CNBD2: variants seen among roughly 807,000 people sequenced by gnomAD.
CNBD2 encodes the protein cyclic nucleotide-binding domain-containing protein 2.
CNBD2 carries 64 observed loss-of-function variants against 63.7 expected under a neutral mutation model. The observed-to-expected ratio is 1.00, with a 90% CI of 0.82 to 1.24. The LOEUF is 1.24. CNBD2 is among the 50% of genes most tolerant of loss of function. The pLI is 0.00. For missense variants in CNBD2, 691 were observed against 713.5 expected, an observed-to-expected ratio of 0.97 and a Z score of 0.36; for synonymous variants, 229 against 255.4, an observed-to-expected ratio of 0.90 and a Z score of 0.99.
chr20:35,999,954 C>A (rs937207769), intron 8 of CNBD2, among the ~76,000 whole-genome samples: 2 of 152,154 alleles, frequency 1.3e-5, no homozygotes, highest in Admixed American at 6.5e-5. Flanking sequence ...GCTGGGATTA[C>A]AGGCATCAGC....
At chr20:36,011,116 T>C in intron 9 of CNBD2, 21 bp from the exon 10 acceptor site, 1 of 1,509,172 alleles carries the variant, frequency 6.6e-7, no homozygotes, top group Non-Finnish European at 8.9e-7. Flanking sequence ...ATGAGCTCTC[T>C]AACAAGCTGT....
rs1445926933 is a variant in CNBD2, at chr20:36,021,339, T to A, written c.1270-2263T>A. Among the ~76,000 whole-genome samples the A allele has an allele frequency of 3.3e-5, 5 of 152,344 alleles. No individual in the cohort carries two copies. In the East Asian group the frequency reaches 9.6e-4, roughly 29 times the overall value. Reference sequence around the variant, plus strand: ...CAAATATTGTATGTTCTCACTCATATGTGGGACCTAAAAACTGGATCTCAT... The same window carrying A: ...CAAATATTGTATGTTCTCACTCATAAGTGGGACCTAAAAACTGGATCTCAT... On this transcript the variant is annotated intron_variant, in intron 10 of 11. Coordinates refer to ENST00000373973, the MANE Select transcript of CNBD2 (RefSeq NM_001365709.1).
intron 8 of CNBD2, among the ~76,000 whole-genome samples, chr20:36,001,048 G>A (rs2056891798): frequency 6.6e-6 from 1 of 151,222 alleles, no homozygotes; most frequent in African/African-American, 2.4e-5. Context: ...ATGTTTCAGA[G>A]AGCACAGGGT....
chr20:35,981,829 G>A (rs758491675), intron 4 of CNBD2, among the ~76,000 whole-genome samples: 1 of 152,152 alleles, frequency 6.6e-6, no homozygotes, highest in Non-Finnish European at 1.5e-5. Context: ...GGGCAGTACT[G>A]ACTCCAGCCT....
chr20:35,972,437 C>T (rs1451295932), intron 1 of CNBD2, among the ~76,000 whole-genome samples, 192 bp from the exon 2 acceptor site: 3 of 152,142 alleles, frequency 2.0e-5, no homozygotes, highest in African/African-American at 7.2e-5. Context: ...CCTACCATGG[C>T]CAGTTTTAAG....
chr20:36,023,869 G>T, intron 11 of CNBD2, 98 bp downstream of exon 11: 1 of 1,073,660 alleles, frequency 9.3e-7, no homozygotes, highest in African/African-American at 1.6e-5. Context: ...ACCTGTTGCT[G>T]ACAAGGGTGA....
chr20:35,975,168 A>AT (rs796829474), intron 2 of CNBD2, among the ~76,000 whole-genome samples: 2,555 of 122,616 alleles, frequency 0.021, 117 homozygotes, highest in African/African-American at 0.081. Context: ...CGCCCGGCTA[A>AT]TTTTTTGTAT....
chr20:35,990,673 G>A (rs2056733525), intron 7 of CNBD2, among the ~76,000 whole-genome samples: 1 of 151,844 alleles, frequency 6.6e-6, no homozygotes, highest in African/African-American at 2.4e-5. Flanking sequence ...TTATCTGGCT[G>A]GGTACAGTGG....
chr20:35,957,363 G>A (rs534892323), downstream of CNBD2, among the ~76,000 whole-genome samples: 3 of 152,294 alleles, frequency 2.0e-5, no homozygotes, highest in Non-Finnish European at 2.9e-5. Context: ...TAGGCAGGCG[G>A]ATCACCTGAG....
At chr20:36,019,709 A>T (rs972999735) in intron 10 of CNBD2, among the ~76,000 whole-genome samples, 2 of 151,966 alleles carry the variant, frequency 1.3e-5, no homozygotes, top group African/African-American at 4.8e-5. Context: ...CATGAGGCTG[A>T]GATGGAGGGC....
downstream of CNBD2, among the ~76,000 whole-genome samples, chr20:35,956,165 T>A (rs898633142): frequency 6.6e-6 from 1 of 152,214 alleles, no homozygotes; most frequent in Non-Finnish European, 1.5e-5. Flanking sequence ...ACCATTAACA[T>A]GCCATTAGCC....
exon 1 of CNBD2, chr20:35,955,280 A>G (rs1401673289): frequency 1.3e-5 from 2 of 152,384 alleles, no homozygotes. Context: ...ACTGATGTAA[A>G]AATTATCTCA....
chr20:35,965,442 T>C (rs2056338547), upstream of CNBD2, among the ~76,000 whole-genome samples: 1 of 152,088 alleles, frequency 6.6e-6, no homozygotes, highest in Admixed American at 6.5e-5. Flanking sequence ...CCTCCCAAAG[T>C]GTTGGGATTG....
chr20:35,954,394 C>A, upstream of CNBD2: 2 of 1,562,172 alleles, frequency 1.3e-6, no homozygotes, highest in Non-Finnish European at 1.7e-6. Context: ...GCAGAGCTCG[C>A]GTCACCCTTG....
At chr20:35,971,168 C>T (rs933776855) in intron 1 of CNBD2, among the ~76,000 whole-genome samples, 10 of 150,836 alleles carry the variant, frequency 6.6e-5, no homozygotes, top group African/African-American at 1.5e-4. Context: ...GGGATGGTCT[C>T]GATCTCCTGA....
chr20:36,023,617 T>C lies in CNBD2; in HGVS notation c.1285T>C (p.Phe429Leu). ...TTCTCCCGAGGGTCTTCACCAGGCC[T>C]TCCTTCCAGAGGGTGAATGCGACAC... ...QGEILGLHQA[F>L]LPEGECDTRP... Residue 429 changes from phenylalanine (F) to leucine (L), a missense_variant, in exon 11 of 12, where the codon TTC (phenylalanine) becomes CTC (leucine). Coordinates refer to ENST00000373973, the MANE Select transcript of CNBD2 (RefSeq NM_001365709.1). The C allele has an allele frequency of 6.2e-7, 1 of 1,601,998 alleles. No individual in the cohort carries two copies. The highest frequency in any genetic ancestry group is 8.5e-7 in the Non-Finnish European group (1 of 1,174,750).
At chr20:35,954,819 C>T (rs550228768) in exon 1 of CNBD2, 2 of 340,110 alleles carry the variant, frequency 5.9e-6, no homozygotes, top group East Asian at 2.1e-4. Context: ...ATGGCCCCTC[C>T]TTCGGGAATG....
At chr20:35,987,898 C>T (rs991109387) in intron 7 of CNBD2, among the ~76,000 whole-genome samples, 2 of 152,088 alleles carry the variant, frequency 1.3e-5, no homozygotes, top group Non-Finnish European at 2.9e-5. Context: ...ACAAGAGTCT[C>T]GCTGTTGTCA....
In CNBD2 at chr20:35,972,723, T is replaced by C. The variant is rs2056439108; in HGVS notation, c.146T>C (p.Ile49Thr). 6.2e-7 allele frequency: 1 copy of C among 1,613,998 alleles called. No homozygotes were observed. The highest frequency in any genetic ancestry group is 1.3e-5 in the African/African-American group (1 of 74,900). Residue 49 changes from isoleucine (I) to threonine (T), a missense_variant, in exon 2 of 12, where the codon ATT becomes ACT. Coordinates refer to ENST00000373973, the MANE Select transcript of CNBD2 (RefSeq NM_001365709.1). ...GLRGFREYQI[I>T]ETAHWKHPIF... ...AGGGGATTCCGGGAATATCAAATCA[T>C]TGAGACTGCTCACTGGAAGCACCCT...
Sources: allele counts gnomAD v4.1 joint callset (sites outside exome capture counted in the v4.1 genomes callset), GRCh38; gene constraint gnomAD v4.1.1; transcripts MANE v1.5; gene names NCBI Gene and HGNC (gene_info 2026-07-23, HGNC 2026-07-21).